KCNH8: variants seen among roughly 807,000 people sequenced by gnomAD.
The protein encoded by KCNH8 is potassium voltage-gated channel subfamily H member 8.
A neutral mutation model predicts 103.6 loss-of-function variants in KCNH8; 70 were observed. The ratio of observed to expected loss-of-function variants is 0.68; its 90% CI spans 0.56 to 0.82. The LOEUF is 0.82. Among genes scored for constraint, KCNH8 ranks in the 40% least tolerant of loss-of-function variants. KCNH8 has a pLI of 0.00. For synonymous variants in KCNH8, 498 were observed against 489.4 expected (o/e 1.02, Z -0.23); for missense variants, 1,217 against 1,329.9 (o/e 0.92, Z 1.32).
chr3:19,330,361 C>T (rs375353125), intron 3 of KCNH8, among the ~76,000 whole-genome samples: 1 of 152,108 alleles, frequency 6.6e-6, no homozygotes, highest in African/African-American at 2.4e-5. Context: ...TCCTCAATTA[C>T]GTCTATTTTT....
chr3:19,373,255 T>G (rs1201480012), intron 5 of KCNH8, among the ~76,000 whole-genome samples: 1 of 152,124 alleles, frequency 6.6e-6, no homozygotes, highest in Non-Finnish European at 1.5e-5. Context: ...CTCTTTTTGG[T>G]TGGTAAGCTA....
At chr3:19,337,317 A>G (rs1486807349) in intron 3 of KCNH8, among the ~76,000 whole-genome samples, 2 of 152,146 alleles carry the variant, frequency 1.3e-5, no homozygotes, top group Non-Finnish European at 2.9e-5. Context: ...TGCCTAGAAC[A>G]TGATGGAGGT....
At chr3:19,303,531 A>G (rs2065090538) in intron 3 of KCNH8, among the ~76,000 whole-genome samples, 1 of 152,124 alleles carries the variant, frequency 6.6e-6, no homozygotes, top group Non-Finnish European at 1.5e-5. Flanking sequence ...TAAAACCAGA[A>G]AGATAAGTTG....
At chr3:19,351,083 C>T (rs918789298) in intron 5 of KCNH8, among the ~76,000 whole-genome samples, 12 of 151,824 alleles carry the variant, frequency 7.9e-5, no homozygotes, top group East Asian at 1.9e-4. Flanking sequence ...AACTATATGA[C>T]GCATGCACAA....
In KCNH8 at chr3:19,348,102, C is replaced by T. The variant is rs2065752375; in HGVS notation, c.811+137C>T. On this transcript the variant is annotated intron_variant, in intron 5 of 15. Coordinates refer to ENST00000328405, the MANE Select transcript of KCNH8 (RefSeq NM_144633.3). Reference sequence around the variant, plus strand: ...GCCTCTGTTGCAAATTTTGGAGAAGCACATACTGTATTTGGATTTCTGAAA... The same window carrying T: ...GCCTCTGTTGCAAATTTTGGAGAAGTACATACTGTATTTGGATTTCTGAAA... The T allele has an allele frequency of 5.1e-6, 5 of 978,466 alleles. No individual in the cohort carries two copies. The African/African-American group carries it at 8.2e-5, about 16-fold the overall frequency. 60.6% of individuals were successfully genotyped at this position (978,466 alleles called of 1,614,324 possible).
intron 7 of KCNH8, among the ~76,000 whole-genome samples, chr3:19,419,049 A>T (rs896587697): frequency 6.6e-6 from 1 of 152,184 alleles, no homozygotes; most frequent in Admixed American, 6.5e-5. Flanking sequence ...TGAAAGATAA[A>T]CATTTTATCT....
At chr3:19,234,595 C>T (rs2064038714) in intron 1 of KCNH8, among the ~76,000 whole-genome samples, 1 of 152,342 alleles carries the variant, frequency 6.6e-6, no homozygotes, top group Admixed American at 6.5e-5. Flanking sequence ...GCACCGTCCG[C>T]AGGCCCGGTT....
intron 6 of KCNH8, among the ~76,000 whole-genome samples, chr3:19,392,111 A>T (rs975470587): frequency 3.7e-4 from 55 of 150,348 alleles, no homozygotes; most frequent in South Asian, 4.1e-4. Flanking sequence ...TATTATAGGT[A>T]TATATAACAT....
chr3:19,180,504 T>C (rs956413727), intron 1 of KCNH8, among the ~76,000 whole-genome samples: 1 of 152,174 alleles, frequency 6.6e-6, no homozygotes, highest in Non-Finnish European at 1.5e-5. Context: ...GCCAACGTTA[T>C]AACAAGAATA....
At chr3:19,288,181 CTTTTTTTT>C (rs767659898) in intron 3 of KCNH8, among the ~76,000 whole-genome samples, 50 of 38,156 alleles carry the variant, frequency 1.3e-3, no homozygotes, top group African/African-American at 1.7e-3. Context: ...TATCAAACTT[CTTTTTTTT>C]TTTTTTTTTT....
chr3:19,510,479 C>T (rs1559364957), intron 12 of KCNH8, 78 bp downstream of exon 12: 1 of 913,108 alleles, frequency 1.1e-6, no homozygotes, highest in Non-Finnish European at 1.8e-6. Context: ...TCTTTCTCTT[C>T]AGAATTTCAT....
chr3:19,391,916 CA>C (rs2066443353), intron 6 of KCNH8, among the ~76,000 whole-genome samples: 1 of 151,796 alleles, frequency 6.6e-6, no homozygotes, highest in African/African-American at 2.4e-5. Context: ...ATATAATTCA[CA>C]AAAGGTTAAA....
chr3:19,458,533 A>C (rs186695981), intron 11 of KCNH8, among the ~76,000 whole-genome samples: 1 of 152,088 alleles, frequency 6.6e-6, no homozygotes, highest in Admixed American at 6.6e-5. Flanking sequence ...ATATGTATAC[A>C]TTTTGGAATG....
intron 1 of KCNH8, among the ~76,000 whole-genome samples, chr3:19,181,553 C>T (rs892227874): frequency 1.3e-5 from 2 of 152,066 alleles, no homozygotes; most frequent in Non-Finnish European, 2.9e-5. Context: ...ATTTTTAACA[C>T]CCTATGATTA....
chr3:19,237,066 G>A (rs924478592), intron 1 of KCNH8, among the ~76,000 whole-genome samples: 2 of 152,204 alleles, frequency 1.3e-5, no homozygotes, highest in African/African-American at 4.8e-5. Flanking sequence ...GGCAATACAT[G>A]TTAATGCAGC....
chr3:19,435,055 A>C (rs552933156), intron 7 of KCNH8, among the ~76,000 whole-genome samples: 4 of 152,194 alleles, frequency 2.6e-5, no homozygotes, highest in South Asian at 4.1e-4. Flanking sequence ...CACACACACA[A>C]AAAGACAACA....
At chr3:19,464,229 A>G (rs2067690820) in intron 11 of KCNH8, among the ~76,000 whole-genome samples, 1 of 152,138 alleles carries the variant, frequency 6.6e-6, no homozygotes, top group Non-Finnish European at 1.5e-5. Context: ...TTCCACAAAC[A>G]GGCCCACACT....
At chr3:19,365,151 C>T (rs950990435) in intron 5 of KCNH8, among the ~76,000 whole-genome samples, 33 of 152,182 alleles carry the variant, frequency 2.2e-4, no homozygotes, top group African/African-American at 7.9e-4. Flanking sequence ...ACAATGTTCT[C>T]GATAAACCTA....
chr3:19,484,775 A>G (rs1034165516), intron 11 of KCNH8, among the ~76,000 whole-genome samples: 1 of 152,084 alleles, frequency 6.6e-6, no homozygotes, highest in Non-Finnish European at 1.5e-5. Flanking sequence ...AGCTGATGGG[A>G]CACCTCTTAT....
Sources: allele counts gnomAD v4.1 joint callset (sites outside exome capture counted in the v4.1 genomes callset), GRCh38; gene constraint gnomAD v4.1.1; transcripts MANE v1.5; gene names NCBI Gene and HGNC (gene_info 2026-07-23, HGNC 2026-07-21).